The following FRMD4B variants were observed in gnomAD, a reference collection of about 807,000 sequenced individuals.
The protein encoded by FRMD4B is FERM domain-containing protein 4B.
A neutral mutation model predicts 141.5 loss-of-function variants in FRMD4B; 74 were observed. The observed-to-expected ratio is 0.52, with a 90% CI of 0.43 to 0.63. The LOEUF is 0.63. Among genes scored for constraint, FRMD4B ranks in the 30% least tolerant of loss-of-function variants. The pLI is 0.00. For missense variants in FRMD4B, 1,366 were observed against 1,253.4 expected, an observed-to-expected ratio of 1.09 and a Z score of -1.36; for synonymous variants, 506 against 467.9, an observed-to-expected ratio of 1.08 and a Z score of -1.05.
At chr3:69,336,428 G>T (rs566279269) in intron 1 of FRMD4B, 4 of 152,354 alleles carry the variant, frequency 2.6e-5, no homozygotes, top group African/African-American at 9.6e-5. Context: ...TGTTTCAGAT[G>T]CAGCAAAAAG....
intron 5 of FRMD4B, among the ~76,000 whole-genome samples, chr3:69,271,232 C>T (rs980590725): frequency 2.0e-5 from 3 of 152,138 alleles, no homozygotes; most frequent in Non-Finnish European, 2.9e-5. Context: ...CTTGTCTTGA[C>T]GTATTCCACA....
chr3:69,391,200 T>G (rs1704375181), intron 2 of FRMD4B, among the ~76,000 whole-genome samples: 1 of 151,896 alleles, frequency 6.6e-6, no homozygotes, highest in African/African-American at 2.4e-5. Flanking sequence ...AATATTTTTG[T>G]ACTTCAGTTT....
intron 1 of FRMD4B, among the ~76,000 whole-genome samples, chr3:69,313,875 C>A (rs1440590549): frequency 2.0e-5 from 3 of 150,946 alleles, no homozygotes; most frequent in Middle Eastern, 3.2e-3. Flanking sequence ...CGCGGTGGCT[C>A]ACGCCTGTAA....
intron 1 of FRMD4B, among the ~76,000 whole-genome samples, chr3:69,329,568 C>G (rs972081455): frequency 8.5e-6 from 1 of 117,422 alleles, no homozygotes; most frequent in African/African-American, 3.1e-5. Flanking sequence ...CACACTGTTA[C>G]CTGGGCTGGA....
chr3:69,186,966 T>C (rs1436362355), intron 19 of FRMD4B, among the ~76,000 whole-genome samples: 1 of 152,226 alleles, frequency 6.6e-6, no homozygotes, highest in Non-Finnish European at 1.5e-5. Flanking sequence ...CCTGGTCTCA[T>C]TGCCCTGATA....
chr3:69,308,744 T>A (rs967612882), intron 3 of FRMD4B, among the ~76,000 whole-genome samples: 1 of 152,032 alleles, frequency 6.6e-6, no homozygotes, highest in Non-Finnish European at 1.5e-5. Flanking sequence ...CCGGCCTTGT[T>A]TTTTTTCTCG....
chr3:69,188,581 C>A (rs1234855580), intron 18 of FRMD4B, among the ~76,000 whole-genome samples: 2 of 151,372 alleles, frequency 1.3e-5, no homozygotes, highest in Admixed American at 6.6e-5. Flanking sequence ...CAAGGTGAAA[C>A]CCCGTCTCTA....
chr3:69,389,910 CT>C (rs35438609), upstream of FRMD4B, among the ~76,000 whole-genome samples: 20 of 148,538 alleles, frequency 1.3e-4, no homozygotes, highest in Admixed American at 2.7e-4. Context: ...TTCTTTCTTT[CT>C]TTTTTTTTTT....
intron 21 of FRMD4B, among the ~76,000 whole-genome samples, chr3:69,178,130 C>G (rs535036890): frequency 6.6e-6 from 1 of 152,180 alleles, no homozygotes; most frequent in South Asian, 2.1e-4. Flanking sequence ...GATAACCACA[C>G]GCCATGATAC....
rs757946915 is a variant in FRMD4B at position 69,302,371 on chromosome 3, C to G, written c.388G>C (p.Gly130Arg). 1.1e-5 allele frequency: 17 copies of G among 1,607,868 alleles called. No homozygotes were observed. The South Asian group carries it at 1.8e-4, about 17-fold the overall frequency. ...VLDHDLPKKPGPTILHFAVRF... is the reference protein window; with the variant it reads ...VLDHDLPKKPRPTILHFAVRF... ...ACAGCAAAGTGCAAAATGGTTGGGC[C>G]TGGTTTCTTGGGCAAATCGTGGTCA... is the stretch of plus-strand genomic sequence containing the variant. Residue 130 changes from glycine (G) to arginine (R), a missense_variant, in exon 4 of 23, where the codon GGC (glycine) becomes CGC (arginine). By Grantham distance (125) the Gly-to-Arg change is moderately radical. Transcript: ENST00000398540.
chr3:69,249,642 G>C (rs773590305), intron 6 of FRMD4B, among the ~76,000 whole-genome samples: 2 of 152,102 alleles, frequency 1.3e-5, no homozygotes, highest in Non-Finnish European at 1.5e-5. Flanking sequence ...AACCAGCATG[G>C]AAACAGACTA....
At chr3:69,496,363 G>C (rs1178250989) in intron 1 of FRMD4B, among the ~76,000 whole-genome samples, 1 of 152,108 alleles carries the variant, frequency 6.6e-6, no homozygotes, top group African/African-American at 2.4e-5. Context: ...CTCCAGGAAT[G>C]ACCCAGGACT....
intron 11 of FRMD4B, among the ~76,000 whole-genome samples, chr3:69,214,254 C>A (rs957201293): frequency 6.6e-6 from 1 of 152,164 alleles, no homozygotes; most frequent in African/African-American, 2.4e-5. Flanking sequence ...AAGAGATTGG[C>A]TGTTTTTCTA....
chr3:69,263,657 C>T (rs2093542444), intron 5 of FRMD4B, among the ~76,000 whole-genome samples: 1 of 151,632 alleles, frequency 6.6e-6, no homozygotes, highest in Admixed American at 6.6e-5. Flanking sequence ...AGCAATCCAC[C>T]CACCTTGGCC....
intron 1 of FRMD4B, among the ~76,000 whole-genome samples, chr3:69,503,765 A>G (rs1388316073): frequency 1.3e-5 from 2 of 152,158 alleles, no homozygotes; most frequent in Non-Finnish European, 2.9e-5. Context: ...TATACTTCCC[A>G]CTTTGGAGAT....
chr3:69,467,949 C>G (rs935460583), intron 1 of FRMD4B, among the ~76,000 whole-genome samples: 1 of 152,228 alleles, frequency 6.6e-6, no homozygotes, highest in African/African-American at 2.4e-5. Context: ...ATACACTCAC[C>G]TGGGCCTGAA....
chr3:69,218,633 T>G (rs1432464751), intron 9 of FRMD4B, among the ~76,000 whole-genome samples: 1 of 152,220 alleles, frequency 6.6e-6, no homozygotes. Context: ...ATTCAAATGT[T>G]TATGGATTAG....
At chr3:69,386,472 G>A (rs1704258140), upstream of FRMD4B, among the ~76,000 whole-genome samples, 1 of 152,076 alleles carries the variant, frequency 6.6e-6, no homozygotes, top group Non-Finnish European at 1.5e-5. Flanking sequence ...CACACCGGAC[G>A]AGTGGTCTCC....
chr3:69,240,342 G>T (rs966190052), intron 7 of FRMD4B, among the ~76,000 whole-genome samples: 1 of 151,394 alleles, frequency 6.6e-6, no homozygotes, highest in East Asian at 2.0e-4. Context: ...TTAGTCGGGC[G>T]TGGTGGCATG....
Sources: gnomAD v4.1 joint callset for allele counts (sites outside exome capture counted in the v4.1 genomes callset) on GRCh38, gnomAD v4.1.1 for gene constraint, MANE v1.5 for transcripts, NCBI Gene and HGNC (gene_info 2026-07-23, HGNC 2026-07-21) for gene names.